RPS3: variants seen among roughly 807,000 people sequenced by gnomAD.
RPS3 encodes small ribosomal subunit protein uS3.
Under a neutral mutation model 25.8 loss-of-function variants are expected in RPS3, and 2 were observed. The ratio of observed to expected loss-of-function variants is 0.08; its 90% CI spans 0.03 to 0.24. The LOEUF (loss-of-function observed/expected upper bound fraction) is 0.24. Ranked by LOEUF, RPS3 falls within the 10% of genes least tolerant of loss-of-function variation. The pLI is 1.00. For missense variants in RPS3, 107 were observed against 307.1 expected (o/e 0.35, Z 4.87); for synonymous variants, 114 against 114.2 (o/e 1.00, Z 0.01).
At position 75,406,308 on chromosome 11, in the gene RPS3, C is replaced by T. The variant is rs1055386621; in HGVS notation, c.*698C>T. 1.8e-4 allele frequency: 28 copies of T among 152,166 alleles called. No individual in the cohort carries two copies. The highest frequency in any genetic ancestry group is 6.5e-4 in the Admixed American group (10 of 15,284). The allele number at this position is 152,166 out of a possible 1,614,324, so 9.4% of individuals were successfully genotyped here. A position where few individuals can be genotyped will look rare whatever the true frequency, so the allele number is the denominator to read the frequency against. ...CAGTGTCTGTACTTCACAAGAAATT[C>T]GGCACTATTTTTTCAGGCAAAACTA... On this transcript the variant is annotated 3_prime_UTR_variant, in exon 7 of 7. Transcript: ENST00000531188.
Position 75,404,332 on chromosome 11 carries a change from C to G in RPS3, c.538+125C>G, listed in dbSNP as rs1311438505. The G allele has an allele frequency of 1.1e-6, 1 of 900,504 alleles. No homozygotes were observed. Among genetic ancestry groups the G allele is most frequent in the African/African-American group, 1.6e-5 (1 of 61,148 alleles). The allele number at this position is 900,504 out of a possible 1,614,324, so 55.8% of individuals were successfully genotyped here. On this transcript the variant is annotated intron_variant, in intron 5 of 6. Transcript: ENST00000531188. This position sits in a 1 kb window ranked among gnomAD's most constrained non-coding sequence, Gnocchi z 4.6. ...GGCATGTTCATATTCCTTGGTGTAT[C>G]GATTGCCACGTTGATCTGTAAGAAT...
intron 3 of RPS3, 96 bp from the exon 4 acceptor site, chr11:75,402,256 T>C (rs765844657): frequency 1.3e-6 from 2 of 1,576,770 alleles, no homozygotes; most frequent in East Asian, 4.6e-5. Context: ...GCAAGCTTGG[T>C]GTAGAAAGTG....
chr11:75,400,997 G>A (rs1488884371), intron 2 of RPS3, among the ~76,000 whole-genome samples, 173 bp downstream of exon 2: 1 of 151,956 alleles, frequency 6.6e-6, no homozygotes, highest in African/African-American at 2.4e-5. Context: ...ATTCTCCTGC[G>A]TCAGCCTCCC....
At chr11:75,408,023 A>G (rs1455525122), downstream of RPS3, among the ~76,000 whole-genome samples, 1 of 152,218 alleles carries the variant, frequency 6.6e-6, no homozygotes, top group African/African-American at 2.4e-5. Context: ...AGCGTAATAG[A>G]TTACTGAATT....
intron 6 of RPS3, among the ~76,000 whole-genome samples, chr11:75,413,423 AT>A: frequency 6.6e-6 from 1 of 151,878 alleles, no homozygotes; most frequent in Admixed American, 6.6e-5. Flanking sequence ...CGCCCAGCTA[AT>A]TTTTTGTATT....
At chr11:75,409,201 T>A (rs942751484), downstream of RPS3, among the ~76,000 whole-genome samples, 29 of 149,384 alleles carry the variant, frequency 1.9e-4, no homozygotes, top group East Asian at 5.8e-4. Flanking sequence ...TTATTTATTT[T>A]TTTATTGATC....
At chr11:75,405,394 C>T (rs981409404) in intron 6 of RPS3, 5 of 308,426 alleles carry the variant, frequency 1.6e-5, no homozygotes, top group Admixed American at 1.4e-4. Context: ...AAAACACTAA[C>T]AAGCCTCCTG....
chr11:75,415,120 G>C lies in RPS3; in HGVS notation c.*4-6607G>C, dbSNP rs572993067. ...ATGAGTATCTCAGTGCTGCTGTGGT[G>C]GTGAGGCGAGTGGGAACACCTTCCT... On this transcript the variant is annotated intron_variant, in intron 6 of 6. Transcript: ENST00000527446. Among the ~76,000 whole-genome samples the C allele has an allele frequency of 4.6e-5, 7 of 152,314 alleles. No homozygotes were observed. In the South Asian group the frequency reaches 1.5e-3, roughly 32 times the overall value.
intron 4 of RPS3, chr11:75,402,671 T>C (rs1948229155): frequency 2.7e-6 from 1 of 365,268 alleles, no homozygotes; most frequent in Admixed American, 4.1e-5. Flanking sequence ...GGAGAAGTGT[T>C]CTGGGTGCTT....
chr11:75,420,416 G>A (rs535300461), intron 6 of RPS3, among the ~76,000 whole-genome samples: 3 of 152,282 alleles, frequency 2.0e-5, no homozygotes, highest in East Asian at 1.9e-4. Flanking sequence ...CTCCTCCTTC[G>A]ACACATCTGT....
intron 4 of RPS3, chr11:75,403,787 C>A (rs2135055530): frequency 2.2e-6 from 1 of 450,042 alleles, no homozygotes; most frequent in Non-Finnish European, 3.9e-6. Context: ...TGAGGTGATT[C>A]CAGTATGCAG....
intron 4 of RPS3, 89 bp downstream of exon 4, chr11:75,402,535 C>T: frequency 2.2e-6 from 3 of 1,391,630 alleles, no homozygotes; most frequent in Non-Finnish European, 2.0e-6. Context: ...TGAACTGTTA[C>T]AAAGTTACAG....
downstream of RPS3, among the ~76,000 whole-genome samples, chr11:75,411,229 C>A (rs1423799158): frequency 7.2e-5 from 11 of 151,984 alleles, no homozygotes; most frequent in Non-Finnish European, 1.2e-4. Flanking sequence ...CCAGTCTGGT[C>A]TTGAACTCTT....
chr11:75,410,029 C>T, downstream of RPS3, among the ~76,000 whole-genome samples: 1 of 135,192 alleles, frequency 7.4e-6, no homozygotes, highest in South Asian at 2.3e-4. Context: ...GCAGAGGCGC[C>T]CCTCACCTCC....
chr11:75,416,975 ACT>A (rs1190187237), intron 6 of RPS3, among the ~76,000 whole-genome samples: 1 of 152,104 alleles, frequency 6.6e-6, no homozygotes, highest in Non-Finnish European at 1.5e-5. Context: ...GACTGGTATG[ACT>A]CTCTGTTATT....
downstream of RPS3, among the ~76,000 whole-genome samples, chr11:75,407,388 T>C (rs1373308616): frequency 6.6e-6 from 1 of 152,194 alleles, no homozygotes; most frequent in Non-Finnish European, 1.5e-5. Context: ...TCCCCCCACC[T>C]CGGCCTTCCA....
rs768762578 is a variant in RPS3, at chr11:75,402,344, C to T, written c.256-8C>T. On this transcript the variant is annotated splice_region_variant and splice_polypyrimidine_tract_variant and intron_variant, in intron 3 of 6. Coordinates refer to ENST00000531188, the MANE Select transcript of RPS3 (RefSeq NM_001005.5). ...ATGGTAACAGGATATCCCTTGCTTC[C>T]TTTAAAGCTTTATGCTGAAAAGGTG... 6.2e-7 allele frequency: 1 copy of T among 1,613,450 alleles called. No individual in the cohort carries two copies. The highest frequency in any genetic ancestry group is 1.7e-5 in the Admixed American group (1 of 60,018).
intron 6 of RPS3, among the ~76,000 whole-genome samples, chr11:75,415,403 G>A (rs531258423): frequency 5.0e-4 from 76 of 152,298 alleles, no homozygotes; most frequent in Middle Eastern, 3.4e-3. Context: ...CAGCTCTGGC[G>A]GGGTGTGGTG....
chr11:75,413,587 A>G (rs1169957294), intron 6 of RPS3, among the ~76,000 whole-genome samples: 2 of 152,190 alleles, frequency 1.3e-5, no homozygotes, highest in Non-Finnish European at 1.5e-5. Context: ...GATACAGTCC[A>G]TGTATACACC....
Sources: allele counts gnomAD v4.1 joint callset (sites outside exome capture counted in the v4.1 genomes callset), GRCh38; gene constraint gnomAD v4.1.1; non-coding constraint Gnocchi (gnomAD v3.1); transcripts MANE v1.5; gene names NCBI Gene and HGNC (gene_info 2026-07-23, HGNC 2026-07-21).